CSMD3: variants seen among roughly 807,000 people sequenced by gnomAD.
The protein encoded by CSMD3 is CUB and Sushi multiple domains 3.
A neutral mutation model predicts 435.2 loss-of-function variants in CSMD3; 177 were observed. The observed-to-expected ratio is 0.41, with a 90% CI of 0.36 to 0.46. CSMD3 has a LOEUF of 0.46. CSMD3 is among the 20% of genes least tolerant of loss of function. The pLI, the probability that CSMD3 is intolerant of heterozygous loss-of-function variation, is 0.34. For synonymous variants in CSMD3, 1,656 were observed against 1,520.5 expected (o/e 1.09, Z -2.07); for missense variants, 4,265 against 4,504.6 (o/e 0.95, Z 1.52).
chr8:112,413,088 T>A lies in CSMD3; in HGVS notation c.5396-4056A>T, dbSNP rs79323085. On this transcript the variant is annotated intron_variant, in intron 32 of 70. Transcript: ENST00000297405. ...TTTAATAAATCTATAACTTAGATTT[T>A]AAAAAAATCACTTTAAAAGTCTGGA... Among the ~76,000 whole-genome samples the A allele has an allele frequency of 3.4e-3, 525 of 152,286 alleles. 12 individuals carry two copies. The East Asian group carries it at 0.066, about 19-fold the overall frequency.
chr8:112,813,399 T>C (rs990365139), intron 12 of CSMD3, among the ~76,000 whole-genome samples: 17 of 152,200 alleles, frequency 1.1e-4, no homozygotes, highest in Admixed American at 1.0e-3. Context: ...TTTTATCTAC[T>C]TTATGGCAAC....
chr8:112,695,513 C>A (rs543377263), intron 13 of CSMD3, among the ~76,000 whole-genome samples: 59 of 152,196 alleles, frequency 3.9e-4, no homozygotes, highest in African/African-American at 1.3e-3. Context: ...CAGAAAAGGC[C>A]TTTGACAAAA....
At chr8:112,254,569 A>T (rs951486699) in intron 62 of CSMD3, among the ~76,000 whole-genome samples, 3 of 152,134 alleles carry the variant, frequency 2.0e-5, no homozygotes, top group African/African-American at 7.2e-5. Flanking sequence ...CCGATATAAA[A>T]GCACTTGACA....
At chr8:112,557,019 C>G in intron 24 of CSMD3, 65 bp from the exon 25 acceptor site, 1 of 968,026 alleles carries the variant, frequency 1.0e-6, no homozygotes, top group South Asian at 1.3e-5. Context: ...CTATACAAAT[C>G]ATTCCTTTCC....
intron 13 of CSMD3, among the ~76,000 whole-genome samples, chr8:112,797,657 C>T (rs1334989782): frequency 6.6e-6 from 1 of 151,704 alleles, no homozygotes; most frequent in Non-Finnish European, 1.5e-5. Context: ...GCAGGTGTTC[C>T]ATTTAGAACC....
intron 11 of CSMD3, among the ~76,000 whole-genome samples, chr8:112,840,803 T>C (rs1329411773): frequency 6.6e-6 from 1 of 151,632 alleles, no homozygotes; most frequent in Non-Finnish European, 1.5e-5. Flanking sequence ...ATTTTAAGTT[T>C]TGGAGGTTAA....
intron 53 of CSMD3, among the ~76,000 whole-genome samples, chr8:112,297,682 T>C (rs992883211): frequency 3.9e-5 from 6 of 152,132 alleles, no homozygotes; most frequent in Non-Finnish European, 7.4e-5. Context: ...TGTTCTATAC[T>C]CAGGTAATAC....
intron 3 of CSMD3, among the ~76,000 whole-genome samples, chr8:113,206,504 GA>G (rs1414408559): frequency 3.3e-5 from 5 of 151,574 alleles, no homozygotes; most frequent in Non-Finnish European, 5.9e-5. Context: ...TTTCTGTCTC[GA>G]TGATTCCTTA....
At chr8:112,348,318 A>T (rs1435231023) in intron 40 of CSMD3, among the ~76,000 whole-genome samples, 1 of 152,220 alleles carries the variant, frequency 6.6e-6, no homozygotes, top group Non-Finnish European at 1.5e-5. Context: ...AAATAAAATC[A>T]ACTTCTGTTT....
At chr8:113,049,546 TA>T (rs1376886175) in intron 5 of CSMD3, among the ~76,000 whole-genome samples, 1 of 152,116 alleles carries the variant, frequency 6.6e-6, no homozygotes. Context: ...TTTTTAAGAA[TA>T]GGAAACATAA....
intron 32 of CSMD3, among the ~76,000 whole-genome samples, chr8:112,440,603 C>T (rs531488898): frequency 6.6e-6 from 1 of 152,168 alleles, no homozygotes; most frequent in East Asian, 1.9e-4. Context: ...AGGGCTCCAC[C>T]CCTGCAGCAA....
chr8:112,722,799 T>C (rs2076886652), intron 13 of CSMD3, among the ~76,000 whole-genome samples: 1 of 152,188 alleles, frequency 6.6e-6, no homozygotes, highest in Non-Finnish European at 1.5e-5. Context: ...ATAATATGTG[T>C]ATAAATAATA....
chr8:112,866,962 C>T (rs751122326), intron 10 of CSMD3, among the ~76,000 whole-genome samples: 31 of 152,002 alleles, frequency 2.0e-4, no homozygotes, highest in East Asian at 3.9e-4. Flanking sequence ...ATAGCCCAGA[C>T]GAAGAGAGAT....
At chr8:113,011,826 T>C (rs1004858237) in intron 6 of CSMD3, among the ~76,000 whole-genome samples, 6 of 151,822 alleles carry the variant, frequency 4.0e-5, no homozygotes, top group African/African-American at 1.4e-4. Flanking sequence ...AGACCAATGA[T>C]TATTTAGATA....
intron 13 of CSMD3, among the ~76,000 whole-genome samples, chr8:112,708,795 G>A (rs189776204): frequency 5.3e-5 from 8 of 151,326 alleles, no homozygotes; most frequent in Non-Finnish European, 8.8e-5. Context: ...AAAAAAGGTC[G>A]GACTTGGTCA....
intron 32 of CSMD3, among the ~76,000 whole-genome samples, chr8:112,418,633 A>T: frequency 6.6e-6 from 1 of 152,174 alleles, no homozygotes; most frequent in African/African-American, 2.4e-5. Flanking sequence ...TATTATGAAA[A>T]TTTACTTTCA....
At chr8:112,615,301 T>C (rs556474100) in intron 22 of CSMD3, among the ~76,000 whole-genome samples, 1 of 152,204 alleles carries the variant, frequency 6.6e-6, no homozygotes, top group South Asian at 2.1e-4. Context: ...CATGACAGTA[T>C]AGCATTTGAC....
intron 19 of CSMD3, among the ~76,000 whole-genome samples, chr8:112,649,644 AAAG>A (rs1257010901): frequency 1.3e-5 from 2 of 152,210 alleles, no homozygotes; most frequent in African/African-American, 2.4e-5. Flanking sequence ...TCATAGAAAC[AAAG>A]AAGCAGTAAG....
intron 34 of CSMD3, 41 bp downstream of exon 34, chr8:112,408,277 T>C (rs763535647): frequency 1.7e-6 from 2 of 1,195,560 alleles, no homozygotes; most frequent in Non-Finnish European, 2.5e-6. Context: ...GGGAAAATTA[T>C]ATCATTCCTT....
Sources: allele counts gnomAD v4.1 joint callset (sites outside exome capture counted in the v4.1 genomes callset), GRCh38; gene constraint gnomAD v4.1.1; transcripts MANE v1.5; gene names NCBI Gene and HGNC (gene_info 2026-07-23, HGNC 2026-07-21).